The following DLGAP1 variants were observed in gnomAD, a reference collection of about 807,000 sequenced individuals.
DLGAP1 encodes DLG associated protein 1.
A neutral mutation model predicts 90.8 loss-of-function variants in DLGAP1; 11 were observed. That is an observed-to-expected ratio of 0.12 (90% CI 0.08 to 0.20). DLGAP1 has a LOEUF of 0.20. Among genes scored for constraint, DLGAP1 ranks in the 10% least tolerant of loss-of-function variants. The pLI, the probability that DLGAP1 is intolerant of heterozygous loss-of-function variation, is 1.00. For synonymous variants in DLGAP1, 558 were observed against 540.7 expected (o/e 1.03, Z -0.44); for missense variants, 1,050 against 1,333.8 (o/e 0.79, Z 3.31).
chr18:3,975,838 T>C (rs1311712144), intron 3 of DLGAP1, among the ~76,000 whole-genome samples: 3 of 152,170 alleles, frequency 2.0e-5, no homozygotes, highest in Admixed American at 6.5e-5. Flanking sequence ...ACAAATATTG[T>C]ATAATTTAAT....
At chr18:3,974,334 G>T (rs181023937) in intron 3 of DLGAP1, among the ~76,000 whole-genome samples, 65 of 152,190 alleles carry the variant, frequency 4.3e-4, no homozygotes, top group Admixed American at 2.0e-3. Flanking sequence ...ATAATCTTAT[G>T]GGACCACCGT....
At chr18:3,947,657 C>T (rs2072903256) in intron 3 of DLGAP1, among the ~76,000 whole-genome samples, 1 of 152,218 alleles carries the variant, frequency 6.6e-6, no homozygotes, top group Admixed American at 6.5e-5. Context: ...GGACTCCCCC[C>T]ACCCCAATTT....
intron 3 of DLGAP1, among the ~76,000 whole-genome samples, chr18:3,955,454 G>A (rs528687088): frequency 6.6e-6 from 1 of 152,300 alleles, no homozygotes; most frequent in South Asian, 2.1e-4. Context: ...GCTCATGCCT[G>A]TAATCCCAGC....
intron 3 of DLGAP1, among the ~76,000 whole-genome samples, chr18:3,997,770 G>A (rs1253239908): frequency 6.6e-6 from 1 of 151,556 alleles, no homozygotes; most frequent in Non-Finnish European, 1.5e-5. Context: ...TATGTATGTA[G>A]TCATACATAC....
chr18:4,271,400 T>C (rs1435307021), intron 1 of DLGAP1, among the ~76,000 whole-genome samples: 1 of 152,186 alleles, frequency 6.6e-6, no homozygotes, highest in Non-Finnish European at 1.5e-5. Context: ...AGTAAGGCAA[T>C]CTTAGAGAAA....
chr18:4,128,318 CG>C (rs1417242411), intron 2 of DLGAP1, among the ~76,000 whole-genome samples: 1 of 151,782 alleles, frequency 6.6e-6, no homozygotes, highest in Non-Finnish European at 1.5e-5. Flanking sequence ...TAAAGTATAC[CG>C]GGGGGATGTG....
At chr18:3,800,749 C>A (rs1395404517) in intron 5 of DLGAP1, among the ~76,000 whole-genome samples, 1 of 151,780 alleles carries the variant, frequency 6.6e-6, no homozygotes, top group Non-Finnish European at 1.5e-5. Flanking sequence ...AAAAGGAAAT[C>A]TTCCCATTAT....
intron 1 of DLGAP1, among the ~76,000 whole-genome samples, chr18:4,230,495 C>A (rs1337995937): frequency 6.6e-6 from 1 of 151,904 alleles, no homozygotes; most frequent in South Asian, 2.1e-4. Flanking sequence ...ATAGATGGAA[C>A]TGGAGGTCAT....
At chr18:3,836,988 C>T (rs906576117) in intron 4 of DLGAP1, among the ~76,000 whole-genome samples, 2 of 152,096 alleles carry the variant, frequency 1.3e-5, no homozygotes, top group African/African-American at 4.8e-5. Flanking sequence ...CAGGAGAACT[C>T]AGAACGAGGG....
At chr18:4,167,730 T>C (rs2076955062) in intron 1 of DLGAP1, among the ~76,000 whole-genome samples, 1 of 152,164 alleles carries the variant, frequency 6.6e-6, no homozygotes, top group African/African-American at 2.4e-5. Context: ...GCAGAGTACA[T>C]AAGTGATTTC....
intron 5 of DLGAP1, among the ~76,000 whole-genome samples, chr18:3,788,489 C>G (rs141822636): frequency 2.6e-5 from 4 of 152,274 alleles, no homozygotes; most frequent in African/African-American, 9.6e-5. Context: ...ACATTTCAAA[C>G]CTGTGAGATA....
At chr18:4,121,551 C>G (rs977203594) in intron 2 of DLGAP1, among the ~76,000 whole-genome samples, 2 of 152,110 alleles carry the variant, frequency 1.3e-5, no homozygotes, top group Admixed American at 1.3e-4. Flanking sequence ...GTTATCCTGG[C>G]CTGCCTTCAT....
intron 10 of DLGAP1, among the ~76,000 whole-genome samples, chr18:3,512,745 C>T (rs1351432541): frequency 6.6e-6 from 1 of 152,208 alleles, no homozygotes; most frequent in Non-Finnish European, 1.5e-5. Flanking sequence ...CTGCTGTGGC[C>T]AATCCCCGTC....
intron 7 of DLGAP1, among the ~76,000 whole-genome samples, chr18:3,645,592 A>G: frequency 6.6e-6 from 1 of 152,122 alleles, no homozygotes; most frequent in South Asian, 2.1e-4. Flanking sequence ...TTGCCTCTGC[A>G]TAGCTTGCAA....
intron 1 of DLGAP1, among the ~76,000 whole-genome samples, chr18:4,252,149 G>A (rs2078792559): frequency 6.6e-6 from 1 of 152,208 alleles, no homozygotes; most frequent in Non-Finnish European, 1.5e-5. Context: ...TTGGGTCACA[G>A]GAGAGGCAAC....
intron 3 of DLGAP1, among the ~76,000 whole-genome samples, chr18:3,979,648 G>A (rs2073681428): frequency 6.6e-6 from 1 of 152,106 alleles, no homozygotes; most frequent in African/African-American, 2.4e-5. Flanking sequence ...TATCCTGCAT[G>A]GTAACCACAG....
Position 4,344,403 on chromosome 18 carries a change from T to C in DLGAP1, c.-267+110603A>G, listed in dbSNP as rs143355954. On this transcript the variant is annotated intron_variant, in intron 1 of 12. Coordinates refer to ENST00000315677, the MANE Select transcript of DLGAP1 (RefSeq NM_004746.4). ...ATCAACTACTTTCAGAAATATAACA[T>C]GCCAGACTTAAAGACAAAAAAATCC... 1.2e-3 allele frequency among the ~76,000 whole-genome samples: 181 copies of C among 152,232 alleles called. 2 individuals are homozygous for C. Among genetic ancestry groups the C allele is most frequent in the Middle Eastern group, 0.01 (3 of 294 alleles).
At chr18:4,154,616 T>C (rs1246436029) in intron 1 of DLGAP1, among the ~76,000 whole-genome samples, 3 of 152,088 alleles carry the variant, frequency 2.0e-5, no homozygotes, top group Non-Finnish European at 4.4e-5. Flanking sequence ...AATACATGTT[T>C]TGAAGTGTGA....
At chr18:3,522,674 C>T (rs940989074) in intron 10 of DLGAP1, among the ~76,000 whole-genome samples, 10 of 150,544 alleles carry the variant, frequency 6.6e-5, no homozygotes, top group Admixed American at 6.7e-5. Flanking sequence ...TCCCAAGTAG[C>T]TGGGACTATA....
Sources: gnomAD v4.1 joint callset for allele counts (sites outside exome capture counted in the v4.1 genomes callset) on GRCh38, gnomAD v4.1.1 for gene constraint, MANE v1.5 for transcripts, NCBI Gene and HGNC (gene_info 2026-07-23, HGNC 2026-07-21) for gene names.